Variants in ZNF827 observed in about 807,000 individuals in gnomAD.
ZNF827 encodes the protein zinc finger protein 827.
A neutral mutation model predicts 102.4 loss-of-function variants in ZNF827; 13 were observed. The observed-to-expected ratio is 0.13, with a 90% CI of 0.08 to 0.20. The LOEUF (loss-of-function observed/expected upper bound fraction) is 0.20. ZNF827 is among the 10% of genes least tolerant of loss of function. The probability of loss-of-function intolerance (pLI) is 1.00; values close to 1 mark genes in which losing one functional copy is unlikely to be tolerated. For synonymous variants in ZNF827, 523 were observed against 536.2 expected, an observed-to-expected ratio of 0.98 and a Z score of 0.34; for missense variants, 1,103 against 1,344.4, an observed-to-expected ratio of 0.82 and a Z score of 2.81.
Position 145,760,901 on chromosome 4 carries a change from TG to T in ZNF827, c.*714del. On this transcript the variant is annotated 3_prime_UTR_variant, in exon 15 of 15. Coordinates refer to ENST00000508784, the MANE Select transcript of ZNF827 (RefSeq NM_001306215.2). The stretch of plus-strand genomic sequence containing the variant: ...TGGAATGTGAGATCCAAGTGGTTCT[TG>T]GGGTATAACATTGTCAAGGGAATGA... 1 of 1,232,974 alleles carries T rather than the reference TG, an allele frequency of 8.1e-7. No individual in the cohort carries two copies. 76.4% of individuals were successfully genotyped at this position (1,232,974 alleles called of 1,614,324 possible). A position where few individuals can be genotyped will look rare whatever the true frequency, so the allele number is the denominator to read the frequency against.
rs773468131 is a variant in ZNF827 at position 145,761,122 on chromosome 4, G to A, written c.*494C>T. The A allele has an allele frequency of 1.6e-6, 2 of 1,289,508 alleles. No homozygotes were observed. The highest frequency in any genetic ancestry group is 1.5e-5 in the African/African-American group (1 of 65,860). 79.9% of individuals were successfully genotyped at this position (1,289,508 alleles called of 1,614,324 possible). ...CCGGGAGCTCCCGACCACCAGGAGC[G>A]GGGCCCCCGGGCCGGCCGGTTCCTT... On this transcript the variant is annotated 3_prime_UTR_variant, in exon 15 of 15. Transcript: ENST00000508784. This position sits in a 1 kb window ranked among gnomAD's most constrained non-coding sequence, Gnocchi z 6.8.
At chr4:145,891,445 T>C (rs141274861) in intron 3 of ZNF827, among the ~76,000 whole-genome samples, 129 of 152,346 alleles carry the variant, frequency 8.5e-4, no homozygotes, top group Middle Eastern at 3.4e-3. Context: ...CAAAACCCTT[T>C]GCATTAACGG....
intron 1 of ZNF827, among the ~76,000 whole-genome samples, 189 bp from the exon 2 acceptor site, chr4:145,903,404 C>T (rs1751586462): frequency 2.0e-5 from 3 of 151,996 alleles, no homozygotes; most frequent in Non-Finnish European, 2.9e-5. Context: ...AAATGCTACA[C>T]AGGCAAAGGT....
chr4:145,776,562 C>CT (rs1737139858), intron 9 of ZNF827, among the ~76,000 whole-genome samples: 1 of 151,758 alleles, frequency 6.6e-6, no homozygotes, highest in African/African-American at 2.4e-5. Context: ...AAGGTAAGCC[C>CT]CACACAGGGC....
At chr4:145,922,312 G>A (rs1753131034) in intron 1 of ZNF827, among the ~76,000 whole-genome samples, 1 of 152,138 alleles carries the variant, frequency 6.6e-6, no homozygotes, top group Non-Finnish European at 1.5e-5. Context: ...GATCAAAACT[G>A]TTTTTATAAT....
intron 1 of ZNF827, among the ~76,000 whole-genome samples, chr4:145,926,204 G>A (rs768747849): frequency 6.6e-6 from 1 of 152,258 alleles, no homozygotes; most frequent in Non-Finnish European, 1.5e-5. Context: ...TGAAGTATCG[G>A]TTATCACACA....
chr4:145,849,065 T>C (rs975027454), intron 6 of ZNF827, among the ~76,000 whole-genome samples: 1 of 152,188 alleles, frequency 6.6e-6, no homozygotes, highest in African/African-American at 2.4e-5. Context: ...TCAACAGGAA[T>C]CATTTGCGCA....
In ZNF827 at chr4:145,886,165, G is replaced by A. The variant is rs770504855; in HGVS notation, c.1267-7C>T. ...GATCCTGGTGCTGATGAACCTGACG[G>A]AGAAGCAAGAAGAATGAGCTAGCCA... is the stretch of plus-strand genomic sequence containing the variant. On this transcript the variant is annotated splice_polypyrimidine_tract_variant and splice_region_variant and intron_variant, in intron 3 of 14. Transcript: ENST00000508784. 4 of 1,576,696 alleles carry A rather than the reference G, an allele frequency of 2.5e-6. No individual in the cohort carries two copies. The highest frequency in any genetic ancestry group is 3.4e-6 in the Non-Finnish European group (4 of 1,163,248).
At chr4:145,925,864 T>C (rs1166160566) in intron 1 of ZNF827, among the ~76,000 whole-genome samples, 1 of 152,146 alleles carries the variant, frequency 6.6e-6, no homozygotes, top group African/African-American at 2.4e-5. Context: ...CCCCAACGGG[T>C]GGTTGAACCA....
rs142110420 is a variant in ZNF827 at position 145,794,350 on chromosome 4, T to C, written c.2384-14839A>G. Among the ~76,000 whole-genome samples, 109 of 152,316 alleles carry C rather than the reference T, an allele frequency of 7.2e-4. 1 individual carries two copies. Among genetic ancestry groups the C allele is most frequent in the African/African-American group, 2.6e-3 (108 of 41,566 alleles). On this transcript the variant is annotated intron_variant, in intron 8 of 14. Transcript: ENST00000508784. ...CTTCTGAGCTGAAAATGTGGTCACA[T>C]TCTAGTCTTACAGGAGATAATGTCA...
chr4:145,849,978 C>A (rs1037753072), intron 5 of ZNF827, among the ~76,000 whole-genome samples: 7 of 152,032 alleles, frequency 4.6e-5, no homozygotes, highest in Non-Finnish European at 8.8e-5. Flanking sequence ...CAAATAAGAG[C>A]AAGCATCTTA....
At chr4:145,810,776 A>T (rs537258987) in intron 8 of ZNF827, among the ~76,000 whole-genome samples, 2 of 152,178 alleles carry the variant, frequency 1.3e-5, no homozygotes, top group African/African-American at 4.8e-5. Context: ...GGAGTTTCCC[A>T]CTGAATATTC....
chr4:145,847,260 A>G (rs1011520585), intron 6 of ZNF827, among the ~76,000 whole-genome samples: 5 of 152,242 alleles, frequency 3.3e-5, no homozygotes, highest in Non-Finnish European at 5.9e-5. Flanking sequence ...TGGTAAATAT[A>G]TACGTACACA....
chr4:145,850,097 C>T (rs1746382724), intron 5 of ZNF827, among the ~76,000 whole-genome samples: 1 of 151,858 alleles, frequency 6.6e-6, no homozygotes, highest in African/African-American at 2.4e-5. Flanking sequence ...GCAATCTCCA[C>T]CTCCCAGGTT....
intron 1 of ZNF827, 68 bp downstream of exon 1, chr4:145,938,297 G>T (rs1754384582): frequency 1.3e-6 from 2 of 1,578,428 alleles, no homozygotes; most frequent in Non-Finnish European, 1.7e-6. Flanking sequence ...GGAGGAGGCT[G>T]CGGAGGGGAA....
In ZNF827 at chr4:145,902,558, G is replaced by A. The variant is rs1417357152; in HGVS notation, c.701C>T (p.Thr234Ile). Residue 234 changes from threonine to isoleucine, a missense_variant, in exon 2 of 15, where the codon ACC (threonine) becomes ATC (isoleucine). Coordinates refer to ENST00000508784, the MANE Select transcript of ZNF827 (RefSeq NM_001306215.2). This position sits in a 1 kb window ranked among gnomAD's most constrained non-coding sequence, Gnocchi z 4.3. Reference sequence around the variant, plus strand: ...GGAGGAAAAGGACTCAAATCGCATGGTCTCCTCAGTCCTGGTGAGAGATTT... The same window carrying A: ...GGAGGAAAAGGACTCAAATCGCATGATCTCCTCAGTCCTGGTGAGAGATTT... ...QDKSLTRTEE[T>I]MRFESFSSPF... 1.2e-6 allele frequency: 2 copies of A among 1,614,126 alleles called. No individual in the cohort carries two copies. The highest frequency in any genetic ancestry group is 1.3e-5 in the African/African-American group (1 of 75,028).
chr4:145,779,152 T>C (rs1197000331), intron 9 of ZNF827, among the ~76,000 whole-genome samples: 1 of 152,252 alleles, frequency 6.6e-6, no homozygotes, highest in African/African-American at 2.4e-5. Flanking sequence ...AAATTGTGTA[T>C]ATTTTCTCAT....
intron 4 of ZNF827, among the ~76,000 whole-genome samples, chr4:145,884,045 G>A (rs563881715): frequency 2.6e-5 from 4 of 152,312 alleles, no homozygotes; most frequent in African/African-American, 9.6e-5. Context: ...ATAGAGGAGG[G>A]AGAAGTCGGG....
At chr4:145,901,809 G>C (rs1370050226) in intron 2 of ZNF827, among the ~76,000 whole-genome samples, 1 of 152,044 alleles carries the variant, frequency 6.6e-6, no homozygotes, top group Non-Finnish European at 1.5e-5. Context: ...CTTATGTTCA[G>C]TGATGCCATG....
Sources: allele counts gnomAD v4.1 joint callset (sites outside exome capture counted in the v4.1 genomes callset), GRCh38; gene constraint gnomAD v4.1.1; non-coding constraint Gnocchi (gnomAD v3.1); transcripts MANE v1.5; gene names NCBI Gene and HGNC (gene_info 2026-07-23, HGNC 2026-07-21).